PIK3C2G: variants seen among roughly 807,000 people sequenced by gnomAD.
PIK3C2G encodes phosphatidylinositol-4-phosphate 3-kinase catalytic subunit type 2 gamma.
In PIK3C2G, 168 loss-of-function variants were observed where a neutral mutation model predicts 181.1. The ratio of observed to expected loss-of-function variants is 0.93; its 90% CI spans 0.82 to 1.05. The LOEUF is 1.05. Ranked by LOEUF, PIK3C2G falls within the 50% of genes least tolerant of loss-of-function variation. The pLI is 0.00. For synonymous variants in PIK3C2G, 573 were observed against 592.2 expected, an observed-to-expected ratio of 0.97 and a Z score of 0.47; for missense variants, 1,869 against 1,732.8, an observed-to-expected ratio of 1.08 and a Z score of -1.40.
chr12:18,249,714 A>G (rs1948076603), intron 1 of PIK3C2G, among the ~76,000 whole-genome samples: 1 of 152,110 alleles, frequency 6.6e-6, no homozygotes, highest in Non-Finnish European at 1.5e-5. Flanking sequence ...ATATATCTAC[A>G]TAGTCATTTA....
At position 18,347,387 on chromosome 12, in the gene PIK3C2G, T is replaced by C. The variant is rs141170154; in HGVS notation, c.1625+551T>C. Among the ~76,000 whole-genome samples, 945 of 152,332 alleles carry C rather than the reference T, an allele frequency of 6.2e-3. 8 individuals are homozygous for C. Among genetic ancestry groups the C allele is most frequent in the African/African-American group, 0.022 (908 of 41,564 alleles). On this transcript the variant is annotated intron_variant, in intron 11 of 32. Transcript: ENST00000538779. Reference sequence around the variant, plus strand: ...ATTTTAAGTTGACTCTGTAGTATTTTCTTCAATAACATAATTACAGTAATA... The same window carrying C: ...ATTTTAAGTTGACTCTGTAGTATTTCCTTCAATAACATAATTACAGTAATA...
Position 18,503,232 on chromosome 12 carries a change from C to T in PIK3C2G, c.3017-49C>T, listed in dbSNP as rs1264800354. ...GTTGTTATATTTCCTAAGGCTCCCT[C>T]ATCTTGTGATGAAGGAATTGTCTCT... On this transcript the variant is annotated intron_variant, in intron 22 of 32. Coordinates refer to ENST00000538779, the MANE Select transcript of PIK3C2G (RefSeq NM_001288772.2). 1.6e-5 allele frequency: 23 copies of T among 1,435,896 alleles called. No individual in the cohort carries two copies. In the Admixed American group the frequency reaches 4.5e-4, roughly 28 times the overall value. The allele number at this position is 1,435,896 out of a possible 1,614,324, so 88.9% of individuals were successfully genotyped here.
upstream of PIK3C2G, among the ~76,000 whole-genome samples, chr12:18,246,629 T>A (rs955391709): frequency 6.6e-6 from 1 of 152,126 alleles, no homozygotes; most frequent in Admixed American, 6.5e-5. Flanking sequence ...ATTCACCCAA[T>A]CTGTTCACAG....
At chr12:18,501,097 A>G (rs1592422961) in intron 22 of PIK3C2G, among the ~76,000 whole-genome samples, 1 of 152,148 alleles carries the variant, frequency 6.6e-6, no homozygotes, top group Non-Finnish European at 1.5e-5. Flanking sequence ...GCGCCACCTT[A>G]AGAGCTGTAA....
At chr12:18,718,120 G>A in the PIK3C2G span, among the ~76,000 whole-genome samples, 1 of 152,098 alleles carries the variant, frequency 6.6e-6, no homozygotes, top group Non-Finnish European at 1.5e-5. Context: ...AAGTAAGCTA[G>A]GTGAAGCTAT....
chr12:18,695,013 C>T, the PIK3C2G span: 4 of 1,612,414 alleles, frequency 2.5e-6, no homozygotes, highest in Non-Finnish European at 3.4e-6. Flanking sequence ...TCCAGAACCA[C>T]CATTATCCAA....
At chr12:18,429,501 G>A (rs147897574) in intron 18 of PIK3C2G, among the ~76,000 whole-genome samples, 1 of 152,036 alleles carries the variant, frequency 6.6e-6, no homozygotes, top group Non-Finnish European at 1.5e-5. Flanking sequence ...CTGGGATTGA[G>A]TATTGCTTCC....
the PIK3C2G span, chr12:18,683,404 G>A: frequency 1.3e-6 from 2 of 1,487,336 alleles, no homozygotes; most frequent in Non-Finnish European, 1.9e-6. Context: ...AGAAACAAGA[G>A]CTCTTTACTA....
intron 24 of PIK3C2G, among the ~76,000 whole-genome samples, chr12:18,508,752 A>C (rs939534993): frequency 2.6e-5 from 4 of 152,182 alleles, no homozygotes; most frequent in African/African-American, 9.7e-5. Context: ...AACACTAGAC[A>C]TAAATGAGTT....
At chr12:18,693,989 A>T in the PIK3C2G span, 1 of 1,495,852 alleles carries the variant, frequency 6.7e-7, no homozygotes, top group Non-Finnish European at 9.3e-7. Context: ...AGCTGGTCTG[A>T]TGGCCTTAAG....
chr12:18,513,945 G>A (rs906121621), intron 24 of PIK3C2G, among the ~76,000 whole-genome samples: 1 of 151,462 alleles, frequency 6.6e-6, no homozygotes, highest in African/African-American at 2.4e-5. Context: ...ATGTTACATT[G>A]CTTATTTGTG....
the PIK3C2G span, chr12:18,696,335 T>G: frequency 3.9e-6 from 1 of 255,746 alleles, no homozygotes; most frequent in Admixed American, 5.9e-5. Flanking sequence ...TATATATATA[T>G]ATATATATAT....
chr12:18,401,589 T>C (rs1944253520), intron 16 of PIK3C2G, among the ~76,000 whole-genome samples: 1 of 152,130 alleles, frequency 6.6e-6, no homozygotes, highest in African/African-American at 2.4e-5. Context: ...CAGTCACAAC[T>C]GACAGAATAA....
chr12:18,586,527 T>C (rs1283446222), intron 29 of PIK3C2G, among the ~76,000 whole-genome samples: 1 of 152,018 alleles, frequency 6.6e-6, no homozygotes, highest in Admixed American at 6.6e-5. Context: ...CAGGAAGAAA[T>C]TAATTCCCTA....
chr12:18,708,666 T>C, the PIK3C2G span, among the ~76,000 whole-genome samples: 8 of 152,118 alleles, frequency 5.3e-5, no homozygotes, highest in African/African-American at 1.7e-4. Context: ...CTCGCCAACA[T>C]TTGTTATCAT....
At chr12:18,330,107 G>T (rs1937773951) in intron 8 of PIK3C2G, among the ~76,000 whole-genome samples, 1 of 151,972 alleles carries the variant, frequency 6.6e-6, no homozygotes, top group African/African-American at 2.4e-5. Context: ...AATGTCTTCT[G>T]CCATTTAGGG....
intron 27 of PIK3C2G, 85 bp from the exon 28 acceptor site, chr12:18,563,288 CTTTG>C (rs1305349111): frequency 3.3e-6 from 4 of 1,217,746 alleles, no homozygotes; most frequent in Non-Finnish European, 2.3e-6. Context: ...AAGGTACTTC[CTTTG>C]TTTGGTTTAC....
chr12:18,603,986 A>T (rs1023872521), intron 30 of PIK3C2G, among the ~76,000 whole-genome samples: 9 of 152,172 alleles, frequency 5.9e-5, no homozygotes, highest in Non-Finnish European at 1.0e-4. Flanking sequence ...CAAACAAAAA[A>T]AACAAAATGA....
chr12:18,613,281 T>C (rs1948435534), intron 31 of PIK3C2G, among the ~76,000 whole-genome samples: 1 of 152,028 alleles, frequency 6.6e-6, no homozygotes, highest in Non-Finnish European at 1.5e-5. Context: ...TGAAACTCTC[T>C]TCTGATATTG....
Sources: allele counts gnomAD v4.1 joint callset (sites outside exome capture counted in the v4.1 genomes callset), GRCh38; gene constraint gnomAD v4.1.1; transcripts MANE v1.5; gene names NCBI Gene and HGNC (gene_info 2026-07-23, HGNC 2026-07-21).